Variants in PTPRE observed in about 807,000 individuals in gnomAD.
PTPRE encodes the protein receptor-type tyrosine-protein phosphatase epsilon.
PTPRE carries 51 observed loss-of-function variants against 102.0 expected under a neutral mutation model. That is an observed-to-expected ratio of 0.50 (90% CI 0.40 to 0.63). PTPRE has a LOEUF of 0.63. Ranked by LOEUF, PTPRE falls within the 30% of genes least tolerant of loss-of-function variation. The pLI, the probability that PTPRE is intolerant of heterozygous loss-of-function variation, is 0.00. For synonymous variants in PTPRE, 345 were observed against 348.2 expected (o/e 0.99, Z 0.10); for missense variants, 752 against 915.1 (o/e 0.82, Z 2.30).
chr10:127,921,738 C>G (rs1846623856), intron 1 of PTPRE, among the ~76,000 whole-genome samples: 1 of 152,168 alleles, frequency 6.6e-6, no homozygotes, highest in Admixed American at 6.5e-5. Context: ...ACAGTGAGGC[C>G]AGGGCAGCTG....
intron 19 of PTPRE, among the ~76,000 whole-genome samples, chr10:128,079,245 C>G (rs536847444): frequency 1.3e-5 from 2 of 152,236 alleles, no homozygotes; most frequent in East Asian, 3.9e-4. Flanking sequence ...AGGGACCACA[C>G]TTTGAGAACC....
intron 1 of PTPRE, among the ~76,000 whole-genome samples, chr10:127,938,694 TA>T (rs1246292535): frequency 1.7e-4 from 26 of 152,244 alleles, no homozygotes; most frequent in African/African-American, 4.6e-4. Context: ...TTAATATATA[TA>T]TTTTTTTGCT....
Position 127,907,559 on chromosome 10 carries a change from C to T in PTPRE, c.-31+250C>T, listed in dbSNP as rs1845567385. On this transcript the variant is annotated intron_variant, in intron 1 of 20. Transcript: ENST00000254667. The surrounding 1 kb of genome is among the most constrained non-coding windows in gnomAD (Gnocchi z 4.8). ...GGAGTCCCCAGCCCAACTTGGCGAC[C>T]ACAGTGGCAGTGCTCACGCTCCCTC... Among the ~76,000 whole-genome samples the T allele has an allele frequency of 6.6e-6, 1 of 151,930 alleles. No individual in the cohort carries two copies. The highest frequency in any genetic ancestry group is 2.4e-5 in the African/African-American group (1 of 41,374).
At chr10:127,976,331 C>A (rs1210940909) in intron 1 of PTPRE, among the ~76,000 whole-genome samples, 1 of 152,124 alleles carries the variant, frequency 6.6e-6, no homozygotes, top group Non-Finnish European at 1.5e-5. Context: ...ACAGACGAGG[C>A]AGTATGGAAA....
At chr10:128,029,183 C>T (rs1275596062) in intron 2 of PTPRE, among the ~76,000 whole-genome samples, 1 of 152,160 alleles carries the variant, frequency 6.6e-6, no homozygotes, top group Non-Finnish European at 1.5e-5. Flanking sequence ...CTCGTGGGGG[C>T]TCAGGGCCCC....
chr10:128,080,999 G>C (rs920760425), intron 20 of PTPRE, among the ~76,000 whole-genome samples: 10 of 152,134 alleles, frequency 6.6e-5, no homozygotes, highest in African/African-American at 2.4e-4. Flanking sequence ...TGTTCTGCAG[G>C]TGCCTCCAGT....
At chr10:128,029,057 C>A (rs995903624) in intron 2 of PTPRE, among the ~76,000 whole-genome samples, 13 of 152,188 alleles carry the variant, frequency 8.5e-5, no homozygotes, top group African/African-American at 3.1e-4. Context: ...CTCTTGATTG[C>A]GACTCCTCGG....
chr10:127,956,972 A>G (rs746971764), intron 1 of PTPRE, among the ~76,000 whole-genome samples: 4 of 152,048 alleles, frequency 2.6e-5, no homozygotes, highest in Non-Finnish European at 4.4e-5. Context: ...ATTGATAAAA[A>G]TCCTTTATCA....
intron 1 of PTPRE, among the ~76,000 whole-genome samples, chr10:127,930,268 C>T (rs985713045): frequency 2.6e-5 from 4 of 152,036 alleles, no homozygotes; most frequent in African/African-American, 2.4e-5. Flanking sequence ...TGTCATCATG[C>T]ACCTTTATGT....
At chr10:128,041,479 C>A (rs1847690064) in intron 3 of PTPRE, among the ~76,000 whole-genome samples, 1 of 151,910 alleles carries the variant, frequency 6.6e-6, no homozygotes, top group African/African-American at 2.4e-5. Flanking sequence ...GAAACCCTGT[C>A]TCTACTAAAA....
chr10:128,042,713 A>C (rs1847806783), intron 3 of PTPRE, among the ~76,000 whole-genome samples: 1 of 152,234 alleles, frequency 6.6e-6, no homozygotes, highest in Admixed American at 6.5e-5. Context: ...CAGTGTGCCA[A>C]AATAATAGGA....
At chr10:127,991,298 C>T (rs941416415) in intron 2 of PTPRE, among the ~76,000 whole-genome samples, 4 of 152,198 alleles carry the variant, frequency 2.6e-5, no homozygotes, top group Non-Finnish European at 5.9e-5. Flanking sequence ...TGCTGTTTCC[C>T]GTTGTGGGCG....
At chr10:128,036,288 C>T (rs559090495) in intron 2 of PTPRE, among the ~76,000 whole-genome samples, 5 of 152,044 alleles carry the variant, frequency 3.3e-5, no homozygotes, top group African/African-American at 1.2e-4. Context: ...GTGCCTCCCC[C>T]ACACGCTGCA....
intron 2 of PTPRE, among the ~76,000 whole-genome samples, chr10:128,027,955 A>G (rs888314208): frequency 6.6e-6 from 1 of 152,174 alleles, no homozygotes; most frequent in Non-Finnish European, 1.5e-5. Context: ...AGAAGCTGAG[A>G]GGCACAGTGA....
At chr10:128,080,855 A>G (rs888054619) in intron 20 of PTPRE, among the ~76,000 whole-genome samples, 3 of 152,218 alleles carry the variant, frequency 2.0e-5, no homozygotes, top group Admixed American at 2.0e-4. Context: ...GTGAATCAGC[A>G]AACGAATGAG....
intron 2 of PTPRE, among the ~76,000 whole-genome samples, chr10:128,010,545 C>CCTTTTTTCTTTT (rs1844895309): frequency 7.8e-6 from 1 of 128,278 alleles, no homozygotes; most frequent in Non-Finnish European, 1.6e-5. Flanking sequence ...AAACCCTGTT[C>CCTTTTTTCTTTT]CTTTTCTTTT....
At chr10:128,036,692 C>T (rs1404881200) in intron 2 of PTPRE, among the ~76,000 whole-genome samples, 1 of 152,184 alleles carries the variant, frequency 6.6e-6, no homozygotes, top group Non-Finnish European at 1.5e-5. Context: ...CCACCACTGC[C>T]AGGGACCCTA....
chr10:128,026,158 G>T (rs1353080625), intron 2 of PTPRE, among the ~76,000 whole-genome samples: 1 of 152,172 alleles, frequency 6.6e-6, no homozygotes, highest in Non-Finnish European at 1.5e-5. Context: ...GCAGAAGAAA[G>T]AACACAGCAC....
intron 1 of PTPRE, among the ~76,000 whole-genome samples, chr10:127,926,973 G>C (rs1589750764): frequency 6.6e-6 from 1 of 151,882 alleles, no homozygotes; most frequent in African/African-American, 2.4e-5. Context: ...CACCACACCT[G>C]ACTAATTTTT....
Sources: gnomAD v4.1 joint callset for allele counts (sites outside exome capture counted in the v4.1 genomes callset) on GRCh38, gnomAD v4.1.1 for gene constraint, Gnocchi (gnomAD v3.1) non-coding constraint, MANE v1.5 for transcripts, NCBI Gene and HGNC (gene_info 2026-07-23, HGNC 2026-07-21) for gene names.